Variants in CAMK1 observed in about 807,000 individuals in gnomAD.
CAMK1 encodes the protein calcium/calmodulin-dependent protein kinase type 1.
In CAMK1, 39 loss-of-function variants were observed where a neutral mutation model predicts 49.1. That is an observed-to-expected ratio of 0.79 (90% CI 0.62 to 1.04). The LOEUF is 1.04. CAMK1 is among the 50% of genes least tolerant of loss of function. CAMK1 has a pLI of 0.00. For synonymous variants in CAMK1, 192 were observed against 185.2 expected (o/e 1.04, Z -0.30); for missense variants, 457 against 472.2 (o/e 0.97, Z 0.30).
chr3:9,760,066 C>A, intron 8 of CAMK1: 1 of 238,500 alleles, frequency 4.2e-6, no homozygotes, highest in Non-Finnish European at 8.4e-6. Context: ...GATGGTGAAA[C>A]CTTGTTTCTA....
chr3:9,760,570 G>A, intron 8 of CAMK1, 86 bp downstream of exon 8: 1 of 1,368,550 alleles, frequency 7.3e-7, no homozygotes, highest in East Asian at 2.3e-5. Flanking sequence ...TCCGACAGAA[G>A]GAAGGCAGGA....
Position 9,760,310 on chromosome 3 carries a change from C to T in CAMK1, c.745+346G>A, listed in dbSNP as rs571107612. On this transcript the variant is annotated intron_variant, in intron 8 of 11. Coordinates refer to ENST00000256460, the MANE Select transcript of CAMK1 (RefSeq NM_003656.5). The stretch of plus-strand genomic sequence containing the variant: ...TCAGTGCATTCACACTGATGATAAA[C>T]GATAGTAGCTTCACAGGTTTGCTTC... The T allele has an allele frequency of 6.2e-5, 15 of 242,504 alleles. No homozygotes were observed. In the East Asian group the frequency reaches 1.0e-3, roughly 17 times the overall value. 15.0% of individuals were successfully genotyped at this position (242,504 alleles called of 1,614,324 possible).
intron 3 of CAMK1, among the ~76,000 whole-genome samples, chr3:9,763,986 C>CA (rs1463561203): frequency 1.3e-5 from 2 of 151,634 alleles, no homozygotes; most frequent in African/African-American, 4.8e-5. Context: ...AACTCCATCT[C>CA]AAAAAAAATA....
chr3:9,759,373 C>T, intron 10 of CAMK1, 115 bp downstream of exon 10: 1 of 1,550,302 alleles, frequency 6.5e-7, no homozygotes, highest in Non-Finnish European at 8.9e-7. Flanking sequence ...AGTAAGGATC[C>T]CTAAGCAGTT....
chr3:9,759,175 C>T, intron 10 of CAMK1: 1 of 1,603,770 alleles, frequency 6.2e-7, no homozygotes, highest in Middle Eastern at 1.7e-4. Flanking sequence ...CTAATTCCTA[C>T]TTAACTGACA....
At chr3:9,764,887 A>G (rs1247196405) in intron 3 of CAMK1, among the ~76,000 whole-genome samples, 2 of 152,050 alleles carry the variant, frequency 1.3e-5, no homozygotes, top group East Asian at 1.9e-4. Flanking sequence ...CTCTGCCACA[A>G]ACTTGCCATG....
chr3:9,761,823 C>G (rs973320104), intron 5 of CAMK1, 66 bp from the exon 6 acceptor site: 2 of 1,586,282 alleles, frequency 1.3e-6, no homozygotes, highest in South Asian at 1.1e-5. Context: ...AACCTTCTGC[C>G]GCTCCAAGCA....
chr3:9,766,763 A>C, intron 2 of CAMK1: 1 of 395,512 alleles, frequency 2.5e-6, no homozygotes, highest in Non-Finnish European at 3.6e-6. Flanking sequence ...TGAAATTTCA[A>C]TCCTCAGGGA....
chr3:9,764,690 C>T (rs1329907943), intron 3 of CAMK1, among the ~76,000 whole-genome samples: 1 of 135,754 alleles, frequency 7.4e-6, no homozygotes, highest in South Asian at 2.4e-4. Flanking sequence ...GTGTAATGCA[C>T]GGTGTGATCT....
In CAMK1 at chr3:9,759,526, C is replaced by T. The variant is rs747307663; in HGVS notation, c.874G>A (p.Glu292Lys). ...TTGGCAAAGTTCTTCTTGATCTGCT[C>T]ACTCACCGACTGGTGGATATTCTTA... is the stretch of plus-strand genomic sequence containing the variant. Reference protein sequence around the residue: ...LDKNIHQSVSEQIKKNFAKSK... With the variant: ...LDKNIHQSVSKQIKKNFAKSK... The change falls in exon 10 of 12, where the codon GAG becomes AAG. Residue 292 changes from glutamate to lysine, a missense_variant. By Grantham distance (56) the Glu-to-Lys change is moderately conservative. Coordinates refer to ENST00000256460, the MANE Select transcript of CAMK1 (RefSeq NM_003656.5). The T allele has an allele frequency of 1.2e-6, 2 of 1,614,178 alleles. No individual in the cohort carries two copies. Among genetic ancestry groups the T allele is most frequent in the South Asian group, 1.1e-5 (1 of 91,070 alleles).
In CAMK1 at chr3:9,759,837, G is replaced by C. The variant is rs1559695369; in HGVS notation, c.746-87C>G. 2.5e-6 allele frequency: 4 copies of C among 1,608,434 alleles called. No homozygotes were observed. In the African/African-American group the frequency reaches 4.0e-5, roughly 16 times the overall value. ...GAGCATACCCACTCCCTCAGGTCTG[G>C]CCTGGCATCAAGACAAAGAGGCCAA... On this transcript the variant is annotated intron_variant, in intron 8 of 11. Coordinates refer to ENST00000256460, the MANE Select transcript of CAMK1 (RefSeq NM_003656.5).
At chr3:9,762,821 A>AG in intron 5 of CAMK1, 93 bp downstream of exon 5, 2 of 1,237,806 alleles carry the variant, frequency 1.6e-6, no homozygotes, top group Non-Finnish European at 2.3e-6. Flanking sequence ...AGGCTCAGTG[A>AG]GGGGGTGAAA....
rs1374274683 is a variant in CAMK1 at position 9,760,676 on chromosome 3, C to T, written c.725G>A (p.Trp242Ter). The T allele has an allele frequency of 6.2e-7, 1 of 1,614,014 alleles. No homozygotes were observed. The highest frequency in any genetic ancestry group is 8.5e-7 in the Non-Finnish European group (1 of 1,179,982). ...KAEYEFDSPY[W>*]DDISDSAKDF... The stretch of plus-strand genomic sequence containing the variant: ...AATACCAGAGTCAGAGATGTCGTCC[C>T]AGTAAGGAGAGTCAAACTCGTACTC... The change falls in exon 8 of 12, where the codon TGG becomes TAG. Residue 242 changes from tryptophan to a stop codon, truncating the protein, a stop_gained. Coordinates refer to ENST00000256460, the MANE Select transcript of CAMK1 (RefSeq NM_003656.5). LOFTEE classifies it high-confidence loss of function.
chr3:9,768,090 C>T (rs1332150957), intron 1 of CAMK1, among the ~76,000 whole-genome samples: 1 of 152,162 alleles, frequency 6.6e-6, no homozygotes, highest in Non-Finnish European at 1.5e-5. Context: ...ACCCTGACTT[C>T]TGGCAGTACA....
intron 3 of CAMK1, 70 bp downstream of exon 3, chr3:9,765,689 A>T (rs1410135712): frequency 6.5e-7 from 1 of 1,545,430 alleles, no homozygotes; most frequent in Admixed American, 1.8e-5. Flanking sequence ...TGTCCAAAGC[A>T]GGAAAGGAGG....
rs1238040684 is a variant in CAMK1 at position 9,761,634 on chromosome 3, C to T, written c.553G>A (p.Val185Met). 4.3e-6 allele frequency: 7 copies of T among 1,614,124 alleles called. No individual in the cohort carries two copies. Among genetic ancestry groups the T allele is most frequent in the East Asian group, 2.2e-5 (1 of 44,882 alleles). Reference protein sequence around the residue: ...LSTACGTPGYVAPEVLAQKPY... With the variant: ...LSTACGTPGYMAPEVLAQKPY... ...CCCAGCCCAGGGCCCTCCGCACCCACGTATCCCGGAGTTCCACAGGCGGTG... is the reference window on the plus strand; with the variant it reads ...CCCAGCCCAGGGCCCTCCGCACCCATGTATCCCGGAGTTCCACAGGCGGTG... The change falls in exon 6 of 12, where the codon GTG becomes ATG. Residue 185 changes from valine (V) to methionine (M), a missense_variant. By Grantham distance (21) the Val-to-Met change is conservative. Coordinates refer to ENST00000256460, the MANE Select transcript of CAMK1 (RefSeq NM_003656.5).
At position 9,765,975 on chromosome 3, in the gene CAMK1, A is replaced by T. The variant is rs531361468; in HGVS notation, c.84-85T>A. On this transcript the variant is annotated intron_variant, in intron 2 of 11. Transcript: ENST00000256460. Reference sequence around the variant, plus strand: ...TCCTCCATTCCCTATGGGTTCTGTGACCACTGCTGGACCAAGGACGTGGAT... The same window carrying T: ...TCCTCCATTCCCTATGGGTTCTGTGTCCACTGCTGGACCAAGGACGTGGAT... 33 of 1,614,006 alleles carry T rather than the reference A, an allele frequency of 2.0e-5. No homozygotes were observed. The South Asian group carries it at 3.4e-4, about 17-fold the overall frequency.
In CAMK1 at chr3:9,763,022, A is replaced by T; in HGVS notation, c.321T>A (p.Ile107=). 1 of 1,614,076 alleles carries T rather than the reference A, an allele frequency of 6.2e-7. No individual in the cohort carries two copies. The highest frequency in any genetic ancestry group is 8.5e-7 in the Non-Finnish European group (1 of 1,180,028). ...LVSGGELFDR[I]VEKGFYTERD... ...GCTCCGTGTAGAAGCCTTTTTCCAC[A>T]ATACGGTCAAAGAGCTCCCCACCCG... The change falls in exon 5 of 12, where the codon ATT becomes ATA. Residue 107 remains isoleucine, a synonymous_variant. Coordinates refer to ENST00000256460, the MANE Select transcript of CAMK1 (RefSeq NM_003656.5).
In CAMK1 at chr3:9,760,679, T is replaced by C; in HGVS notation, c.722A>G (p.Tyr241Cys). ...LKAEYEFDSPYWDDISDSAKD... is the reference protein window; with the variant it reads ...LKAEYEFDSPCWDDISDSAKD... Reference sequence around the variant, plus strand: ...ACCAGAGTCAGAGATGTCGTCCCAGTAAGGAGAGTCAAACTCGTACTCGGC... The same window carrying C: ...ACCAGAGTCAGAGATGTCGTCCCAGCAAGGAGAGTCAAACTCGTACTCGGC... The change falls in exon 8 of 12, where the codon TAC becomes TGC. Residue 241 changes from tyrosine (Y) to cysteine (C), a missense_variant. By Grantham distance (194) the Tyr-to-Cys change is radical. Coordinates refer to ENST00000256460, the MANE Select transcript of CAMK1 (RefSeq NM_003656.5). 1 of 1,613,972 alleles carries C rather than the reference T, an allele frequency of 6.2e-7. No homozygotes were observed. Among genetic ancestry groups the C allele is most frequent in the Admixed American group, 1.7e-5 (1 of 60,002 alleles).
Sources: allele counts gnomAD v4.1 joint callset (sites outside exome capture counted in the v4.1 genomes callset), GRCh38; gene constraint gnomAD v4.1.1; transcripts MANE v1.5; gene names NCBI Gene and HGNC (gene_info 2026-07-23, HGNC 2026-07-21).